The following LRMDA variants were observed in gnomAD, a reference collection of about 807,000 sequenced individuals.
LRMDA encodes the protein leucine-rich melanocyte differentiation-associated protein.
LRMDA carries 18 observed loss-of-function variants against 29.8 expected under a neutral mutation model. The ratio of observed to expected loss-of-function variants is 0.60; its 90% CI spans 0.42 to 0.90. The LOEUF (loss-of-function observed/expected upper bound fraction) is 0.90. Ranked by LOEUF, LRMDA falls within the 40% of genes least tolerant of loss-of-function variation. LRMDA has a pLI of 0.00. For missense variants in LRMDA, 273 were observed against 273.9 expected, an observed-to-expected ratio of 1.00 and a Z score of 0.02; for synonymous variants, 125 against 109.4, an observed-to-expected ratio of 1.14 and a Z score of -0.89.
At chr10:76,090,187 G>A (rs1385629088) in intron 5 of LRMDA, among the ~76,000 whole-genome samples, 2 of 152,172 alleles carry the variant, frequency 1.3e-5, no homozygotes, top group Non-Finnish European at 2.9e-5. Context: ...GAGCAGTGAG[G>A]ACCCAGGCGC....
chr10:75,904,036 C>T (rs1288344495), intron 2 of LRMDA, among the ~76,000 whole-genome samples: 5 of 152,134 alleles, frequency 3.3e-5, no homozygotes, highest in African/African-American at 9.7e-5. Flanking sequence ...CTAATACTAC[C>T]GTATTGAACC....
intron 2 of LRMDA, among the ~76,000 whole-genome samples, chr10:75,519,171 T>C (rs1845328106): frequency 6.6e-6 from 1 of 152,220 alleles, no homozygotes; most frequent in Admixed American, 6.5e-5. Flanking sequence ...GAGAAGAGTG[T>C]ATATTCTGTT....
chr10:76,385,762 T>C (rs1415154287), intron 6 of LRMDA, among the ~76,000 whole-genome samples: 3 of 152,236 alleles, frequency 2.0e-5, no homozygotes, highest in Admixed American at 2.0e-4. Context: ...AGCACTCAGG[T>C]GCTTCTTCAT....
chr10:76,440,961 A>C (rs1842296363), intron 6 of LRMDA, among the ~76,000 whole-genome samples: 1 of 152,182 alleles, frequency 6.6e-6, no homozygotes, highest in African/African-American at 2.4e-5. Context: ...TATTATTTAC[A>C]GTGGTGTCAA....
At chr10:75,616,258 C>T (rs538467843) in intron 2 of LRMDA, among the ~76,000 whole-genome samples, 4 of 149,592 alleles carry the variant, frequency 2.7e-5, no homozygotes, top group African/African-American at 9.9e-5. Flanking sequence ...GTAGCAGCAG[C>T]AGCAGCAGCA....
intron 2 of LRMDA, among the ~76,000 whole-genome samples, chr10:75,615,000 AG>A (rs933725243): frequency 1.4e-4 from 21 of 152,320 alleles, no homozygotes; most frequent in African/African-American, 5.1e-4. Flanking sequence ...GGGCATTTCA[AG>A]AACAGCCATG....
intron 6 of LRMDA, among the ~76,000 whole-genome samples, chr10:76,348,560 G>A (rs139013944): frequency 2.6e-5 from 4 of 152,294 alleles, no homozygotes; most frequent in African/African-American, 9.6e-5. Context: ...ATATTGACAA[G>A]GAGTCTCTTT....
intron 2 of LRMDA, among the ~76,000 whole-genome samples, chr10:75,984,205 C>T (rs563265609): frequency 6.7e-6 from 1 of 148,168 alleles, no homozygotes; most frequent in South Asian, 2.1e-4. Flanking sequence ...TAAGTACTGG[C>T]CGTATGGCTG....
At chr10:75,600,732 A>C (rs1840873774) in intron 2 of LRMDA, among the ~76,000 whole-genome samples, 1 of 152,228 alleles carries the variant, frequency 6.6e-6, no homozygotes, top group Admixed American at 6.5e-5. Flanking sequence ...ATTAAGTGGA[A>C]TCCACCCATG....
At chr10:76,162,989 T>G (rs1850675090) in intron 5 of LRMDA, among the ~76,000 whole-genome samples, 1 of 152,194 alleles carries the variant, frequency 6.6e-6, no homozygotes, top group African/African-American at 2.4e-5. Context: ...GATTTTAATT[T>G]TATTAAATGT....
At chr10:75,896,970 T>C (rs771456662) in intron 2 of LRMDA, among the ~76,000 whole-genome samples, 1 of 152,064 alleles carries the variant, frequency 6.6e-6, no homozygotes, top group Non-Finnish European at 1.5e-5. Flanking sequence ...AGTCCAAAAC[T>C]TCAAAAAAAT....
At chr10:75,943,438 C>G (rs1846427969) in intron 2 of LRMDA, among the ~76,000 whole-genome samples, 1 of 152,112 alleles carries the variant, frequency 6.6e-6, no homozygotes, top group South Asian at 2.1e-4. Flanking sequence ...GGTACACAGC[C>G]AGAAATAATT....
intron 6 of LRMDA, among the ~76,000 whole-genome samples, chr10:76,525,169 G>A (rs192841021): frequency 3.5e-4 from 53 of 152,258 alleles, no homozygotes; most frequent in East Asian, 3.1e-3. Context: ...GATATGAATT[G>A]CACCTTTTTA....
Position 76,121,205 on chromosome 10 carries a change from TAGGG to T in LRMDA, c.516+62425_516+62428del, listed in dbSNP as rs1255988882. 7.9e-5 allele frequency among the ~76,000 whole-genome samples: 12 copies of T among 151,734 alleles called. No individual in the cohort carries two copies. In the South Asian group the frequency reaches 2.1e-3, roughly 26 times the overall value. On this transcript the variant is annotated intron_variant, in intron 5 of 6. Coordinates refer to ENST00000611255, the MANE Select transcript of LRMDA (RefSeq NM_001305581.2). ...GGAGGAGCTATGGAGGAGAAGGTGA[TAGGG>T]AGAGAACAGGGGTGAGTAGAAAGAA... is the stretch of plus-strand genomic sequence containing the variant.
chr10:76,028,116 T>C (rs1848090318), intron 2 of LRMDA, among the ~76,000 whole-genome samples: 2 of 152,210 alleles, frequency 1.3e-5, no homozygotes, highest in Admixed American at 1.3e-4. Flanking sequence ...AATTTCACTG[T>C]CTCATTAGTC....
At chr10:76,028,993 T>G (rs1487872953) in intron 2 of LRMDA, among the ~76,000 whole-genome samples, 1 of 152,094 alleles carries the variant, frequency 6.6e-6, no homozygotes, top group Non-Finnish European at 1.5e-5. Flanking sequence ...ATTTTTGTAT[T>G]TTTAGTAGAG....
chr10:76,232,730 C>T (rs12257049), intron 5 of LRMDA, among the ~76,000 whole-genome samples: 1 of 152,044 alleles, frequency 6.6e-6, no homozygotes, highest in Non-Finnish European at 1.5e-5. Context: ...GATGTACTGA[C>T]AATGGAAGAG....
intron 6 of LRMDA, among the ~76,000 whole-genome samples, chr10:76,358,909 G>C (rs976106353): frequency 6.6e-6 from 1 of 152,172 alleles, no homozygotes; most frequent in Non-Finnish European, 1.5e-5. Flanking sequence ...TCTGTTGCTT[G>C]GTTTTGAGCC....
chr10:76,126,941 T>A (rs1318375087), intron 5 of LRMDA, among the ~76,000 whole-genome samples: 1 of 152,208 alleles, frequency 6.6e-6, no homozygotes, highest in African/African-American at 2.4e-5. Flanking sequence ...CACTTCTCAG[T>A]CCAGATACCT....
Sources: gnomAD v4.1 joint callset for allele counts (sites outside exome capture counted in the v4.1 genomes callset) on GRCh38, gnomAD v4.1.1 for gene constraint, MANE v1.5 for transcripts, NCBI Gene and HGNC (gene_info 2026-07-23, HGNC 2026-07-21) for gene names.